The following TPD52L1 variants were observed in gnomAD, a reference collection of about 807,000 sequenced individuals.
The protein encoded by TPD52L1 is tumor protein D53.
Under a neutral mutation model 28.7 loss-of-function variants are expected in TPD52L1, and 18 were observed. The ratio of observed to expected loss-of-function variants is 0.63; its 90% CI spans 0.43 to 0.93. The LOEUF (loss-of-function observed/expected upper bound fraction) is 0.93, where lower values mean the gene tolerates loss of function less well. TPD52L1 is among the 40% of genes least tolerant of loss of function. The probability of loss-of-function intolerance (pLI) is 0.00; values close to 1 mark genes in which losing one functional copy is unlikely to be tolerated. For synonymous variants in TPD52L1, 75 were observed against 88.8 expected, an observed-to-expected ratio of 0.84 and a Z score of 0.88; for missense variants, 203 against 254.8, an observed-to-expected ratio of 0.80 and a Z score of 1.39.
intron 1 of TPD52L1, among the ~76,000 whole-genome samples, chr6:125,166,452 C>G (rs1254755853): frequency 6.6e-6 from 1 of 152,060 alleles, no homozygotes; most frequent in African/African-American, 2.4e-5. Context: ...AGGGTTCCAA[C>G]AGGAAGTTAC....
intron 1 of TPD52L1, among the ~76,000 whole-genome samples, chr6:125,179,963 G>A (rs924800333): frequency 3.3e-5 from 5 of 152,174 alleles, no homozygotes; most frequent in African/African-American, 1.2e-4. Flanking sequence ...TGTTAAGGGA[G>A]GGTGTTTGAA....
chr6:125,259,110 A>T (rs1797767926), intron 6 of TPD52L1, among the ~76,000 whole-genome samples: 1 of 152,132 alleles, frequency 6.6e-6, no homozygotes. Flanking sequence ...TATATTGTTC[A>T]TTAGTTAAGG....
chr6:125,172,552 AAT>A (rs71541261), intron 1 of TPD52L1, among the ~76,000 whole-genome samples: 3 of 72,398 alleles, frequency 4.1e-5, no homozygotes, highest in East Asian at 7.0e-4. Context: ...ATATATATAT[AAT>A]ATATATACTA....
chr6:125,182,789 G>T (rs1365037051), intron 1 of TPD52L1, among the ~76,000 whole-genome samples: 2 of 152,156 alleles, frequency 1.3e-5, no homozygotes, highest in African/African-American at 4.8e-5. Context: ...GTAGGTGATG[G>T]CATCATCATT....
chr6:125,175,382 C>A (rs1791759651), intron 1 of TPD52L1, among the ~76,000 whole-genome samples: 1 of 152,104 alleles, frequency 6.6e-6, no homozygotes, highest in South Asian at 2.1e-4. Flanking sequence ...ATTTTAAAAG[C>A]TCCTAAAATT....
At chr6:125,238,546 G>A (rs868336961) in intron 3 of TPD52L1, among the ~76,000 whole-genome samples, 2 of 150,812 alleles carry the variant, frequency 1.3e-5, no homozygotes, top group African/African-American at 4.9e-5. Context: ...CCATTATATC[G>A]TTCTTATGCC....
At chr6:125,186,105 G>C (rs1044941500) in intron 1 of TPD52L1, among the ~76,000 whole-genome samples, 2 of 152,028 alleles carry the variant, frequency 1.3e-5, no homozygotes. Context: ...TGTCGATCAG[G>C]CTGGTCTCGA....
At chr6:125,188,860 A>G (rs1792842109) in intron 1 of TPD52L1, among the ~76,000 whole-genome samples, 1 of 152,202 alleles carries the variant, frequency 6.6e-6, no homozygotes, top group Non-Finnish European at 1.5e-5. Context: ...AGACCTAGGC[A>G]TGTTTTACTT....
intron 3 of TPD52L1, among the ~76,000 whole-genome samples, chr6:125,246,343 G>T (rs1405087309): frequency 6.6e-6 from 1 of 152,126 alleles, no homozygotes; most frequent in Non-Finnish European, 1.5e-5. Context: ...GCAGTGGTGT[G>T]CCACTCCTTT....
chr6:125,238,294 A>C (rs1052332709), intron 3 of TPD52L1, among the ~76,000 whole-genome samples: 2 of 152,174 alleles, frequency 1.3e-5, no homozygotes, highest in Non-Finnish European at 2.9e-5. Context: ...CTAGTCTTTA[A>C]CATTTTTAGT....
intron 4 of TPD52L1, among the ~76,000 whole-genome samples, chr6:125,249,637 A>G (rs889852842): frequency 1.3e-5 from 2 of 148,566 alleles, no homozygotes; most frequent in Non-Finnish European, 3.0e-5. Context: ...GGTTGCAGTG[A>G]GCCCAGATCA....
intron 1 of TPD52L1, among the ~76,000 whole-genome samples, chr6:125,194,886 TAG>T (rs910938506): frequency 6.6e-6 from 1 of 152,212 alleles, no homozygotes; most frequent in South Asian, 2.1e-4. Context: ...GAATCTGACT[TAG>T]AGAGAGTTTA....
intron 1 of TPD52L1, among the ~76,000 whole-genome samples, chr6:125,168,283 T>C (rs1481371100): frequency 6.6e-6 from 1 of 152,150 alleles, no homozygotes; most frequent in African/African-American, 2.4e-5. Context: ...TTGGTGCCAG[T>C]GTTCTTTGAC....
chr6:125,241,483 G>C (rs1215238179), intron 3 of TPD52L1, among the ~76,000 whole-genome samples: 2 of 151,666 alleles, frequency 1.3e-5, no homozygotes, highest in African/African-American at 4.8e-5. Context: ...TTTTATTACT[G>C]TTTCAATCTC....
intron 1 of TPD52L1, among the ~76,000 whole-genome samples, chr6:125,194,832 A>C (rs1370183366): frequency 6.6e-6 from 1 of 152,144 alleles, no homozygotes; most frequent in East Asian, 1.9e-4. Flanking sequence ...TTCTTTTCTT[A>C]TTTATAGTTA....
At chr6:125,244,097 G>T (rs1429429238) in intron 3 of TPD52L1, among the ~76,000 whole-genome samples, 1 of 151,950 alleles carries the variant, frequency 6.6e-6, no homozygotes, top group Non-Finnish European at 1.5e-5. Flanking sequence ...AAGTTTTTTT[G>T]TGTGCTGGCT....
chr6:125,172,051 CCTT>C (rs1414876203), intron 1 of TPD52L1, among the ~76,000 whole-genome samples: 6 of 150,470 alleles, frequency 4.0e-5, no homozygotes, highest in Admixed American at 2.6e-4. Flanking sequence ...CTCCCTCCCA[CCTT>C]CTTTCTCTTC....
At chr6:125,191,774 A>ATACC (rs1173039438) in intron 1 of TPD52L1, among the ~76,000 whole-genome samples, 1 of 152,188 alleles carries the variant, frequency 6.6e-6, no homozygotes, top group African/African-American at 2.4e-5. Flanking sequence ...TGGCCTTCAG[A>ATACC]TACCTCTGTT....
At chr6:125,224,633 C>T (rs1033032324) in intron 2 of TPD52L1, among the ~76,000 whole-genome samples, 3 of 152,184 alleles carry the variant, frequency 2.0e-5, no homozygotes, top group Non-Finnish European at 4.4e-5. Flanking sequence ...TAGCCAAAGG[C>T]AAGAGTAGCC....
Sources: allele counts gnomAD v4.1 joint callset (sites outside exome capture counted in the v4.1 genomes callset), GRCh38; gene constraint gnomAD v4.1.1; transcripts MANE v1.5; gene names NCBI Gene and HGNC (gene_info 2026-07-23, HGNC 2026-07-21).